NBN: variants seen among roughly 807,000 people sequenced by gnomAD.
NBN encodes nibrin.
In NBN, 88 loss-of-function variants were observed where a neutral mutation model predicts 90.8. The ratio of observed to expected loss-of-function variants is 0.97; its 90% confidence interval spans 0.82 to 1.16. The LOEUF is 1.16. Ranked by LOEUF, NBN falls within the 50% of genes most tolerant of loss-of-function variation. NBN has a pLI of 0.00. For missense variants in NBN, 894 were observed against 869.6 expected (o/e 1.03, Z -0.35); for synonymous variants, 328 against 295.1 (o/e 1.11, Z -1.14).
chr8:89,943,926 CTTG>C (rs1473832640), intron 13 of NBN, among the ~76,000 whole-genome samples: 3 of 152,092 alleles, frequency 2.0e-5, no homozygotes, highest in South Asian at 4.1e-4. Context: ...ATTGTTAATA[CTTG>C]TTATTAGTTA....
chr8:89,964,537 AAT>A lies in NBN; in HGVS notation c.897-32_897-31del, dbSNP rs775048862. On this transcript the variant is annotated intron_variant, in intron 7 of 15. Coordinates refer to ENST00000265433, the MANE Select transcript of NBN (RefSeq NM_002485.5). ...TAGAATAAAATAGTTTAAGTATGAT[AAT>A]ATATTAAAACTAGCAACTTTTATTC... 7.7e-6 allele frequency: 12 copies of A among 1,554,726 alleles called. No homozygotes were observed. In the East Asian group the frequency reaches 2.5e-4, roughly 32 times the overall value.
chr8:89,935,989 T>C (rs537001421), intron 15 of NBN: 1 of 347,540 alleles, frequency 2.9e-6, no homozygotes, highest in Non-Finnish European at 5.5e-6. Flanking sequence ...TTAAATGTAA[T>C]TAGCACTTTA....
chr8:89,971,008 G>A (rs1234637232), intron 6 of NBN, among the ~76,000 whole-genome samples, 165 bp downstream of exon 6: 1 of 152,180 alleles, frequency 6.6e-6, no homozygotes, highest in Non-Finnish European at 1.5e-5. Flanking sequence ...CGTAATCACA[G>A]CCATGATCAC....
intron 3 of NBN, 112 bp downstream of exon 3, chr8:89,981,263 A>C: frequency 8.3e-7 from 1 of 1,198,134 alleles, no homozygotes; most frequent in Non-Finnish European, 1.2e-6. Flanking sequence ...TACTGTGCTA[A>C]GCAGGAACTA....
chr8:89,970,482 GTTC>G lies in NBN; in HGVS notation c.775_777del (p.Glu259del), dbSNP rs2129830023. The G allele has an allele frequency of 1.2e-6, 2 of 1,613,714 alleles. No individual in the cohort carries two copies. Among genetic ancestry groups the G allele is most frequent in the Non-Finnish European group, 1.7e-6 (2 of 1,179,722 alleles). Reference sequence around the variant, plus strand: ...GTTCCCGGAGCCAAAAAGAAATTATGTTCTTCTTCATTCTCTTCTGTTATCAAC... The same window carrying G: ...GTTCCCGGAGCCAAAAAGAAATTATGTTCTTCATTCTCTTCTGTTATCAAC... On this transcript the variant is annotated inframe_deletion, in exon 7 of 16. Coordinates refer to ENST00000265433, the MANE Select transcript of NBN (RefSeq NM_002485.5).
At chr8:89,965,488 GA>G (rs1050616004) in intron 7 of NBN, among the ~76,000 whole-genome samples, 7 of 150,924 alleles carry the variant, frequency 4.6e-5, no homozygotes, top group Non-Finnish European at 1.0e-4. Context: ...TCATTGTAAA[GA>G]TTTTTTTTTT....
intron 9 of NBN, among the ~76,000 whole-genome samples, chr8:89,956,976 G>A (rs1810743669): frequency 6.6e-6 from 1 of 152,128 alleles, no homozygotes; most frequent in Admixed American, 6.5e-5. Context: ...TTGTATAAAA[G>A]TATAGCACAA....
At chr8:89,946,006 G>A (rs1169737515) in intron 13 of NBN, 134 bp downstream of exon 13, 6 of 665,202 alleles carry the variant, frequency 9.0e-6, no homozygotes, top group Non-Finnish European at 1.5e-5. Flanking sequence ...CTTCCTAGAG[G>A]AATTTTTTAA....
Position 89,955,546 on chromosome 8 carries a change from A to C in NBN, c.1134T>G (p.Ser378Arg). 2 of 1,613,068 alleles carry C rather than the reference A, an allele frequency of 1.2e-6. No homozygotes were observed. Among genetic ancestry groups the C allele is most frequent in the Non-Finnish European group, 1.7e-6 (2 of 1,179,636 alleles). The change falls in exon 10 of 16, where the codon AGT becomes AGG. Residue 378 changes from serine (S) to arginine (R), a missense_variant. Ser to Arg is a moderately radical substitution (Grantham distance 110). Transcript: ENST00000265433. ...AGACTTTGATTTCTTTTGGCCTTTC[A>C]CTCAAATCCCTGTAGAAAAAGAAAA... ...ESEQADTWDL[S>R]ERPKEIKVSK...
intron 14 of NBN, chr8:89,937,397 T>G (rs1328966731): frequency 8.4e-6 from 3 of 356,384 alleles, no homozygotes; most frequent in Non-Finnish European, 1.6e-5. Context: ...TTTCAGTGCT[T>G]GGGGGTCAGA....
At chr8:89,964,259 T>C in intron 8 of NBN, 151 bp downstream of exon 8, 1 of 854,268 alleles carries the variant, frequency 1.2e-6, no homozygotes. Context: ...CCACAAATAT[T>C]TATGGAATGA....
At chr8:89,959,147 G>A (rs1810876474) in intron 8 of NBN, among the ~76,000 whole-genome samples, 1 of 152,168 alleles carries the variant, frequency 6.6e-6, no homozygotes, top group Non-Finnish European at 1.5e-5. Flanking sequence ...TTCAAATTAT[G>A]TTTTAAGTCA....
chr8:89,966,185 T>A (rs1010050502), intron 7 of NBN, among the ~76,000 whole-genome samples: 1 of 152,172 alleles, frequency 6.6e-6, no homozygotes, highest in African/African-American at 2.4e-5. Context: ...CCACTTCTGT[T>A]CAACACTGCT....
intron 5 of NBN, among the ~76,000 whole-genome samples, chr8:89,975,185 G>C (rs1322668323): frequency 6.6e-6 from 1 of 152,152 alleles, no homozygotes; most frequent in East Asian, 1.9e-4. Flanking sequence ...AGTTATAACT[G>C]TCATATCCTG....
chr8:89,982,680 AC>A, intron 2 of NBN, 41 bp downstream of exon 2: 1 of 1,548,604 alleles, frequency 6.5e-7, no homozygotes, highest in Non-Finnish European at 8.9e-7. Flanking sequence ...TGTGATTTCA[AC>A]CCCCTTACTG....
intron 8 of NBN, among the ~76,000 whole-genome samples, chr8:89,963,652 C>T (rs935033339): frequency 6.6e-6 from 1 of 152,150 alleles, no homozygotes; most frequent in Non-Finnish European, 1.5e-5. Context: ...TCATGATTAA[C>T]ACTGAGATTA....
At chr8:89,937,198 G>T in intron 14 of NBN, 123 bp from the exon 15 acceptor site, 2 of 803,412 alleles carry the variant, frequency 2.5e-6, no homozygotes, top group Non-Finnish European at 2.1e-6. Context: ...CCACATCTGA[G>T]TTCTTGCCTC....
Position 89,964,524 on chromosome 8 carries a change from G to C in NBN, c.897-17C>G. 1.3e-6 allele frequency: 2 copies of C among 1,571,684 alleles called. 1 individual carries two copies. On this transcript the variant is annotated splice_polypyrimidine_tract_variant and intron_variant, in intron 7 of 15. Coordinates refer to ENST00000265433, the MANE Select transcript of NBN (RefSeq NM_002485.5). ...AGACCTTGCCTATTAGAATAAAATA[G>C]TTTAAGTATGATAATATATTAAAAC... is the stretch of plus-strand genomic sequence containing the variant.
intron 2 of NBN, chr8:89,981,745 AC>A (rs1812080337): frequency 1.8e-6 from 1 of 563,266 alleles, no homozygotes; most frequent in Admixed American, 3.2e-5. Flanking sequence ...CCTAGAACAC[AC>A]ATGTTCTTTA....
Sources: gnomAD v4.1 joint callset for allele counts (sites outside exome capture counted in the v4.1 genomes callset) on GRCh38, gnomAD v4.1.1 for gene constraint, MANE v1.5 for transcripts, NCBI Gene and HGNC (gene_info 2026-07-23, HGNC 2026-07-21) for gene names.